Variants in ANKDD1A observed in about 807,000 individuals in gnomAD.
ANKDD1A encodes ankyrin repeat and death domain-containing protein 1A.
Under a neutral mutation model 63.5 loss-of-function variants are expected in ANKDD1A, and 59 were observed. That is an observed-to-expected ratio of 0.93 (90% CI 0.75 to 1.15). ANKDD1A has a LOEUF of 1.15. Ranked by LOEUF, ANKDD1A falls within the 50% of genes most tolerant of loss-of-function variation. The probability of loss-of-function intolerance (pLI) is 0.00; values close to 1 mark genes in which losing one functional copy is unlikely to be tolerated. For synonymous variants in ANKDD1A, 266 were observed against 263.9 expected (o/e 1.01, Z -0.08); for missense variants, 632 against 656.4 (o/e 0.96, Z 0.41).
At position 64,953,991 on chromosome 15, in the gene ANKDD1A, CT is replaced by C. The variant is rs1194547864; in HGVS notation, c.1484-3109del. ...TCTTCTTTCTTCCTCTATCTTCTTC[CT>C]TTCTTTCCTTTCTTCTTCCTTCTTT... On this transcript the variant is annotated intron_variant, in intron 14 of 14. Coordinates refer to ENST00000319580, the MANE Select transcript of ANKDD1A (RefSeq NM_182703.6). Among the ~76,000 whole-genome samples the C allele has an allele frequency of 8.1e-3, 990 of 122,226 alleles. 53 individuals carry two copies. In the South Asian group the frequency reaches 0.13, roughly 16 times the overall value. The allele number at this position is 122,226 out of a possible 152,430, so 80.2% of individuals were successfully genotyped here.
chr15:64,950,735 C>A (rs1487373021), intron 14 of ANKDD1A: 37 of 81,636 alleles, frequency 4.5e-4, no homozygotes, highest in Admixed American at 8.2e-4. Context: ...GACCGCCCCC[C>A]CCCCCCCCCC....
chr15:64,947,211 G>C (rs950775497), intron 12 of ANKDD1A, among the ~76,000 whole-genome samples, 193 bp from the exon 13 acceptor site: 6 of 152,170 alleles, frequency 3.9e-5, no homozygotes, highest in African/African-American at 1.4e-4. Context: ...GGAGCAACTT[G>C]GGTTCCAGAG....
chr15:64,925,977 T>C, intron 4 of ANKDD1A, 89 bp from the exon 5 acceptor site: 1 of 1,198,506 alleles, frequency 8.3e-7, no homozygotes, highest in East Asian at 2.6e-5. Context: ...GTGTTCTGGG[T>C]CCCAAACACT....
At chr15:64,923,466 A>AT (rs1287687967) in intron 4 of ANKDD1A, among the ~76,000 whole-genome samples, 1 of 152,054 alleles carries the variant, frequency 6.6e-6, no homozygotes, top group Non-Finnish European at 1.5e-5. Flanking sequence ...TATTTGATTA[A>AT]TTTTTTTTCC....
chr15:64,952,807 TCTC>T (rs758359436), intron 14 of ANKDD1A, among the ~76,000 whole-genome samples: 49 of 145,224 alleles, frequency 3.4e-4, no homozygotes, highest in Middle Eastern at 3.6e-3. Context: ...TTCTTCTCCT[TCTC>T]CTCCTTCTTC....
At chr15:64,922,169 C>G in intron 4 of ANKDD1A, 150 bp downstream of exon 4, 1 of 637,204 alleles carries the variant, frequency 1.6e-6, no homozygotes, top group South Asian at 2.0e-5. Context: ...TCCCCCACCT[C>G]CCTTTACTAT....
intron 14 of ANKDD1A, among the ~76,000 whole-genome samples, chr15:64,953,050 C>CTT (rs151225979): frequency 0.91 from 131,682 of 144,246 alleles, 60,884 homozygotes; most frequent in East Asian, 0.99. Flanking sequence ...CTTCTTTCCT[C>CTT]TCTTTTTTCT....
chr15:64,952,899 CTTCCTTCTCT>C (rs1363585541), intron 14 of ANKDD1A, among the ~76,000 whole-genome samples: 8 of 84,990 alleles, frequency 9.4e-5, no homozygotes, highest in African/African-American at 2.5e-4. Flanking sequence ...CTTCCTTCTC[CTTCCTTCTCT>C]TCTTCTCCTT....
chr15:64,958,037 GT>G lies in ANKDD1A; in HGVS notation c.*853del, dbSNP rs1454254685. The G allele has an allele frequency of 6.6e-6, 1 of 152,184 alleles. No individual in the cohort carries two copies. The highest frequency in any genetic ancestry group is 6.5e-5 in the Admixed American group (1 of 15,268). The allele number at this position is 152,184 out of a possible 1,614,324, so 9.4% of individuals were successfully genotyped here. On this transcript the variant is annotated 3_prime_UTR_variant, in exon 15 of 15. Coordinates refer to ENST00000319580, the MANE Select transcript of ANKDD1A (RefSeq NM_182703.6). Reference sequence around the variant, plus strand: ...GTTCTCAGTGGTTCCTTTCTATACAGTTTTAACTTTTGAAATGTGTGAGAGT... The same window carrying G: ...GTTCTCAGTGGTTCCTTTCTATACAGTTTAACTTTTGAAATGTGTGAGAGT...
intron 14 of ANKDD1A, among the ~76,000 whole-genome samples, chr15:64,956,577 CAG>C (rs1215573909): frequency 1.3e-5 from 2 of 152,094 alleles, no homozygotes; most frequent in Non-Finnish European, 1.5e-5. Flanking sequence ...AAAAAAGAGA[CAG>C]AGTTTCACGC....
chr15:64,950,043 C>T (rs1007181739), intron 14 of ANKDD1A, 71 bp downstream of exon 14: 5 of 1,577,704 alleles, frequency 3.2e-6, no homozygotes, highest in Non-Finnish European at 4.3e-6. Flanking sequence ...CAGGGCCCTC[C>T]AAGGGCTGCT....
intron 12 of ANKDD1A, among the ~76,000 whole-genome samples, chr15:64,945,607 C>CATATATATACATATATATATATATAT (rs1555396878): frequency 4.1e-5 from 3 of 73,852 alleles, no homozygotes; most frequent in African/African-American, 1.9e-4. Flanking sequence ...GCATTTTCAA[C>CATATATATACATATATATATATATAT]ATATATATAT....
Position 64,911,921 on chromosome 15 carries a change from G to T in ANKDD1A, c.-10G>T. 1.4e-5 allele frequency: 18 copies of T among 1,249,462 alleles called. No individual in the cohort carries two copies. Among genetic ancestry groups the T allele is most frequent in the Non-Finnish European group, 1.8e-5 (18 of 992,658 alleles). The allele number at this position is 1,249,462 out of a possible 1,614,324, so 77.4% of individuals were successfully genotyped here. A position where few individuals can be genotyped will look rare whatever the true frequency, so the allele number is the denominator to read the frequency against. On this transcript the variant is annotated 5_prime_UTR_variant, in exon 1 of 15. Coordinates refer to ENST00000319580, the MANE Select transcript of ANKDD1A (RefSeq NM_182703.6). Reference sequence around the variant, plus strand: ...GGCACCAGCGCGCGCAGGGGCTGCGGAGCGGCAGGATGCAGGAGGAGCTGG... The same window carrying T: ...GGCACCAGCGCGCGCAGGGGCTGCGTAGCGGCAGGATGCAGGAGGAGCTGG...
chr15:64,952,911 CT>C (rs1388855920), intron 14 of ANKDD1A, among the ~76,000 whole-genome samples: 1 of 143,346 alleles, frequency 7.0e-6, no homozygotes, highest in Non-Finnish European at 1.5e-5. Context: ...TCCTTCTCTT[CT>C]TCTCCTTCTT....
At chr15:64,911,993 C>T (rs1341993537) in intron 1 of ANKDD1A, 29 bp downstream of exon 1, 5 of 1,231,266 alleles carry the variant, frequency 4.1e-6, no homozygotes, top group African/African-American at 1.6e-5. Context: ...GGGAGGGGGG[C>T]GGGCCGAGGC....
intron 9 of ANKDD1A, among the ~76,000 whole-genome samples, chr15:64,934,861 C>T (rs2085116443): frequency 6.6e-6 from 1 of 151,896 alleles, no homozygotes; most frequent in South Asian, 2.1e-4. Flanking sequence ...GCCTATCTGT[C>T]CACTTAATTG....
chr15:64,956,239 TTTTC>T (rs59310201), intron 14 of ANKDD1A, among the ~76,000 whole-genome samples: 64,927 of 139,552 alleles, frequency 0.47, 15,109 homozygotes, highest in East Asian at 0.82. Context: ...TTCCTTTTTT[TTTTC>T]TTTTTTTTTG....
In ANKDD1A at chr15:64,944,786, G is replaced by A. The variant is rs779098863; in HGVS notation, c.1161+39G>A. ...ACGCTTGATCTTTCCTCATTGGAAA[G>A]GGAGTGATTTTGGCTCCAGATGGAG... is the stretch of plus-strand genomic sequence containing the variant. On this transcript the variant is annotated intron_variant, in intron 12 of 14. Coordinates refer to ENST00000319580, the MANE Select transcript of ANKDD1A (RefSeq NM_182703.6). 9 of 1,602,386 alleles carry A rather than the reference G, an allele frequency of 5.6e-6. 1 individual carries two copies. In the African/African-American group the frequency reaches 1.1e-4, roughly 19 times the overall value.
chr15:64,917,434 G>A lies in ANKDD1A; in HGVS notation c.187G>A (p.Ala63Thr), dbSNP rs2084976195. ...GGCTGCAGGTGCAGGGCACGAGCAG[G>A]CTGTGCGTCTGCTTCTGGAGCACGA... The part of the protein sequence containing the change: ...HWAAGAGHEQ[A>T]VRLLLEHEAA... Residue 63 changes from alanine (A) to threonine (T), a missense_variant, in exon 3 of 15, where the codon GCT becomes ACT. Coordinates refer to ENST00000319580, the MANE Select transcript of ANKDD1A (RefSeq NM_182703.6). 1 of 1,610,606 alleles carries A rather than the reference G, an allele frequency of 6.2e-7. No homozygotes were observed. The highest frequency in any genetic ancestry group is 1.3e-5 in the African/African-American group (1 of 74,882).
Sources: gnomAD v4.1 joint callset for allele counts (sites outside exome capture counted in the v4.1 genomes callset) on GRCh38, gnomAD v4.1.1 for gene constraint, MANE v1.5 for transcripts, NCBI Gene and HGNC (gene_info 2026-07-23, HGNC 2026-07-21) for gene names.